The following SLCO6A1 variants were observed in gnomAD, a reference collection of about 807,000 sequenced individuals.
The protein encoded by SLCO6A1 is cancer/testis antigen 48.
In SLCO6A1, 65 loss-of-function variants were observed where a neutral mutation model predicts 72.7. That is an observed-to-expected ratio of 0.89 (90% CI 0.73 to 1.10). The LOEUF is 1.10. SLCO6A1 is among the 50% of genes least tolerant of loss of function. SLCO6A1 has a pLI of 0.00. For missense variants in SLCO6A1, 874 were observed against 872.6 expected, an observed-to-expected ratio of 1.00 and a Z score of -0.02; for synonymous variants, 314 against 298.2, an observed-to-expected ratio of 1.05 and a Z score of -0.55.
chr5:102,440,922 C>T (rs1749800603), intron 6 of SLCO6A1, among the ~76,000 whole-genome samples: 1 of 152,078 alleles, frequency 6.6e-6, no homozygotes. Context: ...CAGTTCTTAG[C>T]TATTGGGATT....
chr5:102,399,451 C>T, intron 10 of SLCO6A1, 104 bp downstream of exon 10: 1 of 746,748 alleles, frequency 1.3e-6, no homozygotes, highest in Middle Eastern at 4.4e-4. Flanking sequence ...CATTTGCTAC[C>T]ATGAAACACA....
chr5:102,419,254 T>C (rs1002016688), intron 8 of SLCO6A1, among the ~76,000 whole-genome samples: 1 of 152,204 alleles, frequency 6.6e-6, no homozygotes, highest in East Asian at 1.9e-4. Context: ...AGTGAGAAGA[T>C]TGATCTGCCA....
intron 7 of SLCO6A1, among the ~76,000 whole-genome samples, chr5:102,436,592 C>A (rs1580424715): frequency 1.3e-5 from 2 of 152,164 alleles, no homozygotes; most frequent in Non-Finnish European, 1.5e-5. Context: ...AGCTGATAAG[C>A]AAGCTGTGGC....
intron 4 of SLCO6A1, among the ~76,000 whole-genome samples, chr5:102,463,656 G>T (rs1464255908): frequency 1.3e-5 from 2 of 152,208 alleles, no homozygotes; most frequent in Non-Finnish European, 2.9e-5. Flanking sequence ...GGAGGCCGAG[G>T]CGGGGGGATC....
intron 9 of SLCO6A1, among the ~76,000 whole-genome samples, chr5:102,400,249 A>C (rs1747324721): frequency 6.6e-6 from 1 of 151,972 alleles, no homozygotes; most frequent in Non-Finnish European, 1.5e-5. Context: ...CATATTCAGA[A>C]CCACATAAAA....
intron 10 of SLCO6A1, among the ~76,000 whole-genome samples, chr5:102,392,570 A>G (rs1208285084): frequency 1.3e-5 from 2 of 152,098 alleles, no homozygotes; most frequent in Non-Finnish European, 2.9e-5. Context: ...TCTAACATAC[A>G]AAACAAGATG....
intron 6 of SLCO6A1, among the ~76,000 whole-genome samples, chr5:102,444,799 G>A (rs1224963351): frequency 1.3e-5 from 2 of 152,072 alleles, no homozygotes; most frequent in Non-Finnish European, 2.9e-5. Flanking sequence ...TGTTACATGG[G>A]TAAATTGCAT....
chr5:102,422,687 T>C (rs1748674014), intron 7 of SLCO6A1, among the ~76,000 whole-genome samples: 1 of 152,092 alleles, frequency 6.6e-6, no homozygotes, highest in East Asian at 1.9e-4. Context: ...TGGACCCAGG[T>C]TGGAAAACAC....
intron 1 of SLCO6A1, among the ~76,000 whole-genome samples, chr5:102,484,741 G>A (rs1457973815): frequency 6.6e-6 from 1 of 151,942 alleles, no homozygotes; most frequent in Non-Finnish European, 1.5e-5. Context: ...ACATTTCCAA[G>A]CATTTTTATG....
At chr5:102,376,735 C>T (rs1451131808) in intron 12 of SLCO6A1, among the ~76,000 whole-genome samples, 1 of 152,086 alleles carries the variant, frequency 6.6e-6, no homozygotes, top group Non-Finnish European at 1.5e-5. Context: ...TCTAGGTGTA[C>T]ATGAATAATT....
chr5:102,438,958 A>G (rs1749697653), intron 6 of SLCO6A1, among the ~76,000 whole-genome samples, 197 bp from the exon 7 acceptor site: 1 of 152,036 alleles, frequency 6.6e-6, no homozygotes, highest in African/African-American at 2.4e-5. Flanking sequence ...ATTCACCAAT[A>G]TACAAATTCT....
chr5:102,393,860 A>G (rs963570395), intron 10 of SLCO6A1, among the ~76,000 whole-genome samples: 32 of 152,200 alleles, frequency 2.1e-4, no homozygotes, highest in Admixed American at 1.4e-3. Context: ...TGATGGAAAG[A>G]TACAGATACA....
intron 1 of SLCO6A1, among the ~76,000 whole-genome samples, chr5:102,482,439 G>A (rs1046861770): frequency 2.6e-5 from 4 of 151,990 alleles, no homozygotes; most frequent in South Asian, 2.1e-4. Flanking sequence ...CTATTCACTC[G>A]CTCTTCTACC....
intron 1 of SLCO6A1, among the ~76,000 whole-genome samples, chr5:102,484,172 T>C (rs2112841563): frequency 6.6e-6 from 1 of 152,316 alleles, no homozygotes; most frequent in East Asian, 1.9e-4. Context: ...ATGACTCTTT[T>C]TGTCGCTACA....
At chr5:102,420,090 A>G (rs1181069136) in intron 7 of SLCO6A1, 69 bp from the exon 8 acceptor site, 1 of 1,261,098 alleles carries the variant, frequency 7.9e-7, no homozygotes, top group Non-Finnish European at 1.1e-6. Flanking sequence ...ACATACATTG[A>G]TACAATTTCC....
At chr5:102,451,594 G>A (rs967114148) in intron 6 of SLCO6A1, among the ~76,000 whole-genome samples, 1 of 152,182 alleles carries the variant, frequency 6.6e-6, no homozygotes, top group Non-Finnish European at 1.5e-5. Context: ...GGAATCTCCT[G>A]TGCCCAGGGT....
At chr5:102,409,442 A>AT (rs1747851052) in intron 9 of SLCO6A1, among the ~76,000 whole-genome samples, 2 of 152,046 alleles carry the variant, frequency 1.3e-5, no homozygotes, top group Middle Eastern at 3.2e-3. Context: ...GTACTTGATC[A>AT]TTTTTTGTAT....
intron 5 of SLCO6A1, 112 bp downstream of exon 5, chr5:102,459,544 C>T (rs182602562): frequency 4.1e-6 from 5 of 1,213,752 alleles, no homozygotes; most frequent in African/African-American, 1.6e-5. Context: ...ACCACTACAG[C>T]GAGAGGCATA....
intron 7 of SLCO6A1, among the ~76,000 whole-genome samples, chr5:102,436,782 T>C (rs1187088438): frequency 6.6e-6 from 1 of 152,154 alleles, no homozygotes; most frequent in Non-Finnish European, 1.5e-5. Flanking sequence ...AAGCAACTAC[T>C]AGCTTACACT....
Sources: gnomAD v4.1 joint callset for allele counts (sites outside exome capture counted in the v4.1 genomes callset) on GRCh38, gnomAD v4.1.1 for gene constraint, MANE v1.5 for transcripts, NCBI Gene and HGNC (gene_info 2026-07-23, HGNC 2026-07-21) for gene names.